Variants in LRP1B observed in about 807,000 individuals in gnomAD.
The protein encoded by LRP1B is LDL receptor related protein 1B.
In LRP1B, 217 loss-of-function variants were observed where a neutral mutation model predicts 556.6. The observed-to-expected ratio is 0.39, with a 90% CI of 0.35 to 0.44. The LOEUF is 0.44. Among genes scored for constraint, LRP1B ranks in the 20% least tolerant of loss-of-function variants. The pLI, the probability that LRP1B is intolerant of heterozygous loss-of-function variation, is 1.00. For synonymous variants in LRP1B, 2,047 were observed against 1,865.8 expected (o/e 1.10, Z -2.50); for missense variants, 5,053 against 5,620.8 (o/e 0.90, Z 3.23).
chr2:140,306,360 C>A (rs1326926789), intron 83 of LRP1B, among the ~76,000 whole-genome samples: 4 of 152,016 alleles, frequency 2.6e-5, no homozygotes, highest in Admixed American at 1.3e-4. Context: ...AGGGATTCAA[C>A]TTCTTCCTGG....
intron 1 of LRP1B, among the ~76,000 whole-genome samples, chr2:142,010,471 C>A (rs113617646): frequency 0.027 from 3,738 of 138,768 alleles, 157 homozygotes; most frequent in East Asian, 0.18. Flanking sequence ...AGGAGAATGG[C>A]GTGAACCCGG....
rs534297271 is a variant in LRP1B, at chr2:142,082,492, A to G, written c.82+48156T>C. Among the ~76,000 whole-genome samples the G allele has an allele frequency of 3.9e-5, 6 of 152,342 alleles. No homozygotes were observed. In the South Asian group the frequency reaches 1.2e-3, roughly 32 times the overall value. ...CCCTGGGGATCCAAGTCCAGCCCTA[A>G]GATGACAGTGAGCAGCCACACTGGC... On this transcript the variant is annotated intron_variant, in intron 1 of 90. Coordinates refer to ENST00000389484, the MANE Select transcript of LRP1B (RefSeq NM_018557.3).
chr2:142,036,019 G>A (rs534820017), intron 1 of LRP1B, among the ~76,000 whole-genome samples: 13 of 151,616 alleles, frequency 8.6e-5, no homozygotes, highest in African/African-American at 2.7e-4. Flanking sequence ...ACCTCCCGCC[G>A]TGATTCTGAG....
chr2:141,910,994 C>T (rs574625355), intron 1 of LRP1B, among the ~76,000 whole-genome samples: 69 of 152,080 alleles, frequency 4.5e-4, no homozygotes, highest in South Asian at 8.3e-4. Flanking sequence ...TATAAAAATT[C>T]ACCACACACA....
intron 11 of LRP1B, among the ~76,000 whole-genome samples, chr2:141,021,355 G>A (rs1048604728): frequency 6.7e-6 from 1 of 149,668 alleles, no homozygotes; most frequent in Non-Finnish European, 1.5e-5. Context: ...AATGTGATCT[G>A]ATCTAACTGA....
At chr2:141,210,409 CT>C (rs1275586529) in intron 6 of LRP1B, among the ~76,000 whole-genome samples, 1 of 152,122 alleles carries the variant, frequency 6.6e-6, no homozygotes, top group African/African-American at 2.4e-5. Flanking sequence ...TAATTTCTCT[CT>C]TTTCTTTGTT....
intron 2 of LRP1B, among the ~76,000 whole-genome samples, chr2:141,676,383 C>T (rs1367772354): frequency 6.6e-6 from 1 of 152,118 alleles, no homozygotes; most frequent in African/African-American, 2.4e-5. Flanking sequence ...GGCCTCTAAT[C>T]AATTCCAAAC....
chr2:140,800,304 G>A (rs111654939), intron 32 of LRP1B, among the ~76,000 whole-genome samples: 6,098 of 152,066 alleles, frequency 0.04, 160 homozygotes, highest in South Asian at 0.1. Context: ...TGTAAATGAC[G>A]AGTAAATGGG....
In LRP1B at chr2:142,030,741, C is replaced by T. The variant is rs144342338; in HGVS notation, c.82+99907G>A. 4.9e-3 allele frequency among the ~76,000 whole-genome samples: 742 copies of T among 151,776 alleles called. 7 individuals are homozygous for T. Among genetic ancestry groups the T allele is most frequent in the African/African-American group, 0.017 (707 of 41,422 alleles). On this transcript the variant is annotated intron_variant, in intron 1 of 90. Transcript: ENST00000389484. ...TAAGATTTTTATTAGAGATGATATG[C>T]CTGGGACTCATGACCTAGAAAGAAA...
intron 3 of LRP1B, among the ~76,000 whole-genome samples, chr2:141,446,956 C>T (rs756896789): frequency 5.3e-5 from 8 of 152,098 alleles, no homozygotes; most frequent in Admixed American, 6.5e-5. Flanking sequence ...TGAATGTTGG[C>T]ATGACATGCT....
chr2:141,208,386 A>T (rs1358985626), intron 6 of LRP1B: 1 of 152,282 alleles, frequency 6.6e-6, no homozygotes, highest in African/African-American at 2.4e-5. Context: ...GCCAACGACT[A>T]TCGCCATCTT....
intron 1 of LRP1B, among the ~76,000 whole-genome samples, chr2:141,846,586 A>G (rs955080945): frequency 2.0e-5 from 3 of 151,566 alleles, no homozygotes; most frequent in Admixed American, 1.3e-4. Context: ...ACTAACTATA[A>G]AACATATTTA....
At chr2:141,499,442 T>C (rs1683634689) in intron 2 of LRP1B, among the ~76,000 whole-genome samples, 1 of 152,114 alleles carries the variant, frequency 6.6e-6, no homozygotes, top group African/African-American at 2.4e-5. Context: ...CTTTTCGCTT[T>C]GTATCCTGTG....
intron 35 of LRP1B, among the ~76,000 whole-genome samples, chr2:140,755,642 C>G (rs1000708301): frequency 5.3e-5 from 8 of 151,946 alleles, no homozygotes; most frequent in Admixed American, 5.2e-4. Context: ...GATAAGAATA[C>G]TATACAAATT....
chr2:141,157,041 A>G (rs1463181439), intron 7 of LRP1B, among the ~76,000 whole-genome samples: 1 of 152,158 alleles, frequency 6.6e-6, no homozygotes, highest in African/African-American at 2.4e-5. Flanking sequence ...TATATTATCA[A>G]ACTTCATTGG....
chr2:140,856,738 T>C (rs978950636), intron 27 of LRP1B, among the ~76,000 whole-genome samples: 1 of 148,356 alleles, frequency 6.7e-6, no homozygotes, highest in East Asian at 2.0e-4. Flanking sequence ...CTAAGAGAGA[T>C]ACACACACAC....
intron 27 of LRP1B, among the ~76,000 whole-genome samples, chr2:140,861,416 A>C (rs1417727571): frequency 6.6e-6 from 1 of 152,212 alleles, no homozygotes; most frequent in Non-Finnish European, 1.5e-5. Context: ...CAAAAAACAA[A>C]GAGAAAGACT....
chr2:140,910,983 G>T (rs1434449168), intron 21 of LRP1B, among the ~76,000 whole-genome samples: 2 of 151,762 alleles, frequency 1.3e-5, no homozygotes, highest in African/African-American at 4.8e-5. Flanking sequence ...ATCTACTGCT[G>T]TTTTGTATAT....
chr2:140,994,120 G>T lies in LRP1B; in HGVS notation c.2519C>A (p.Ala840Glu), dbSNP rs946435404. 6.2e-7 allele frequency: 1 copy of T among 1,612,400 alleles called. No individual in the cohort carries two copies. The highest frequency in any genetic ancestry group is 1.7e-5 in the Admixed American group (1 of 59,890). The change falls in exon 16 of 91, where the codon GCA becomes GAA. Residue 840 changes from alanine (A) to glutamate (E), a missense_variant. Transcript: ENST00000389484. ...TCCAGCTTTACATATGTGAGGTAGTGCTTCTCCAGGATTAACTAGAGTTAA... is the reference window on the plus strand; with the variant it reads ...TCCAGCTTTACATATGTGAGGTAGTTCTTCTCCAGGATTAACTAGAGTTAA... Reference protein sequence around the residue: ...GTTCTFNPGEALPHICKAGEF... With the variant: ...GTTCTFNPGEELPHICKAGEF...
Sources: gnomAD v4.1 joint callset for allele counts (sites outside exome capture counted in the v4.1 genomes callset) on GRCh38, gnomAD v4.1.1 for gene constraint, MANE v1.5 for transcripts, NCBI Gene and HGNC (gene_info 2026-07-23, HGNC 2026-07-21) for gene names.